ALK: variants seen among roughly 807,000 people sequenced by gnomAD.
ALK encodes the protein ALK receptor tyrosine kinase, also known as ALK tyrosine kinase receptor.
Under a neutral mutation model 163.1 loss-of-function variants are expected in ALK, and 74 were observed. The ratio of observed to expected loss-of-function variants is 0.45; its 90% confidence interval spans 0.38 to 0.55. The LOEUF (loss-of-function observed/expected upper bound fraction) is 0.55, where lower values mean the gene tolerates loss of function less well. Among genes scored for constraint, ALK ranks in the 20% least tolerant of loss-of-function variants. The pLI, the probability that ALK is intolerant of heterozygous loss-of-function variation, is 0.00. For synonymous variants in ALK, 960 were observed against 843.2 expected, an observed-to-expected ratio of 1.14 and a Z score of -2.40; for missense variants, 2,063 against 2,105.3, an observed-to-expected ratio of 0.98 and a Z score of 0.39.
chr2:29,376,914 G>C (rs1668766089), intron 5 of ALK, among the ~76,000 whole-genome samples: 1 of 152,144 alleles, frequency 6.6e-6, no homozygotes, highest in African/African-American at 2.4e-5. Context: ...ATTGTCTTTG[G>C]TGGAGAAGAA....
At chr2:29,315,879 C>T (rs4592803) in intron 8 of ALK, among the ~76,000 whole-genome samples, 25,259 of 152,136 alleles carry the variant, frequency 0.17, 2,309 homozygotes, top group African/African-American at 0.23. Context: ...GCATCAGCCT[C>T]AGGGCTCAGC....
At chr2:29,830,059 G>A (rs1050842693) in intron 1 of ALK, among the ~76,000 whole-genome samples, 2 of 152,334 alleles carry the variant, frequency 1.3e-5, no homozygotes, top group African/African-American at 4.8e-5. Flanking sequence ...ACTGGCTGCC[G>A]AGAAGTTTAA....
At chr2:29,539,052 C>CG (rs1408993799) in intron 3 of ALK, among the ~76,000 whole-genome samples, 2 of 151,854 alleles carry the variant, frequency 1.3e-5, no homozygotes, top group South Asian at 4.2e-4. Flanking sequence ...CTTCCACACC[C>CG]CCCTCCCAAA....
intron 5 of ALK, among the ~76,000 whole-genome samples, chr2:29,349,684 G>A (rs1321869336): frequency 6.6e-6 from 1 of 152,222 alleles, no homozygotes; most frequent in Non-Finnish European, 1.5e-5. Context: ...CAGGTGGTAT[G>A]AAGGATGTGC....
rs971948066 is a variant in ALK at position 29,227,134 on chromosome 2, A to G, written c.2915-60T>C. The G allele has an allele frequency of 2.1e-5, 34 of 1,611,198 alleles. No homozygotes were observed. The highest frequency in any genetic ancestry group is 2.7e-5 in the Non-Finnish European group (32 of 1,177,992). The stretch of plus-strand genomic sequence containing the variant: ...AGCCTGCCTCCCCACTCCCAGCCTC[A>G]GTACTATGTCTCCAGGTGGTCACTG... On this transcript the variant is annotated intron_variant, in intron 17 of 28. Coordinates refer to ENST00000389048, the MANE Select transcript of ALK (RefSeq NM_004304.5). The surrounding 1 kb of genome is among the most constrained non-coding windows in gnomAD (Gnocchi z 4.4).
At chr2:29,204,348 CTT>C (rs1241601575) in intron 26 of ALK, among the ~76,000 whole-genome samples, 3 of 152,190 alleles carry the variant, frequency 2.0e-5, no homozygotes, top group African/African-American at 7.2e-5. Flanking sequence ...ATTTAATTGT[CTT>C]GTTTCTTTGG....
At chr2:29,337,815 T>C (rs1250252240) in intron 5 of ALK, among the ~76,000 whole-genome samples, 5 of 152,198 alleles carry the variant, frequency 3.3e-5, no homozygotes, top group Admixed American at 3.3e-4. Context: ...TGAATACTCT[T>C]GCAGGCCCAA....
chr2:29,318,950 T>A (rs1666921178), intron 7 of ALK, among the ~76,000 whole-genome samples: 1 of 152,186 alleles, frequency 6.6e-6, no homozygotes, highest in Non-Finnish European at 1.5e-5. Context: ...TCACCAGCTT[T>A]AGCCCATGGC....
At chr2:29,503,597 G>T (rs562793523) in intron 4 of ALK, among the ~76,000 whole-genome samples, 1 of 152,288 alleles carries the variant, frequency 6.6e-6, no homozygotes, top group East Asian at 1.9e-4. Context: ...ACCTGGAAAT[G>T]CTTTAGAGAG....
intron 6 of ALK, among the ~76,000 whole-genome samples, chr2:29,327,036 C>T (rs768492818): frequency 6.6e-5 from 10 of 152,204 alleles, no homozygotes; most frequent in Non-Finnish European, 1.2e-4. Context: ...ATCTCTGCTC[C>T]AGGATCTGGC....
rs1664440822 is a variant in ALK at position 29,800,550 on chromosome 2, C to T, written c.668-82853G>A. On this transcript the variant is annotated intron_variant, in intron 1 of 28. Coordinates refer to ENST00000389048, the MANE Select transcript of ALK (RefSeq NM_004304.5). ...AGGGACAGAGAACTCCTTACAACCC[C>T]CTGCAGCTACCAACCCCAGCCCTAA... 2.0e-5 allele frequency among the ~76,000 whole-genome samples: 3 copies of T among 152,128 alleles called. No individual in the cohort carries two copies. In the South Asian group the frequency reaches 6.2e-4, roughly 31 times the overall value.
In ALK at chr2:29,410,517, C is replaced by G. The variant is rs192526444; in HGVS notation, c.1155-26658G>C. On this transcript the variant is annotated intron_variant, in intron 4 of 28. Transcript: ENST00000389048. ...CATATGTCATCAGGACTTCCTGAGG[C>G]TGTGTCACGGGCACGTCCTCAACCT... 3.3e-5 allele frequency among the ~76,000 whole-genome samples: 5 copies of G among 152,316 alleles called. No individual in the cohort carries two copies. In the South Asian group the frequency reaches 8.3e-4, roughly 25 times the overall value.
At position 29,739,565 on chromosome 2, in the gene ALK, A is replaced by C. The variant is rs141702821; in HGVS notation, c.668-21868T>G. 1.4e-3 allele frequency among the ~76,000 whole-genome samples: 217 copies of C among 152,088 alleles called. 3 individuals are homozygous for C. The East Asian group carries it at 0.031, about 22-fold the overall frequency. ...AGTGCGTGAATCTGTCTCAAAAAAA[A>C]AAAAAAAAAGAACATAGTTACATGG... On this transcript the variant is annotated intron_variant, in intron 1 of 28. Coordinates refer to ENST00000389048, the MANE Select transcript of ALK (RefSeq NM_004304.5).
chr2:29,807,058 G>A (rs1194175916), intron 1 of ALK, among the ~76,000 whole-genome samples: 1 of 152,228 alleles, frequency 6.6e-6, no homozygotes, highest in Non-Finnish European at 1.5e-5. Flanking sequence ...TCCTTAGCAA[G>A]GATTACAATC....
intron 3 of ALK, among the ~76,000 whole-genome samples, chr2:29,540,154 G>C (rs1417643421): frequency 6.6e-6 from 1 of 152,126 alleles, no homozygotes; most frequent in Non-Finnish European, 1.5e-5. Flanking sequence ...GCTTTATTGA[G>C]CTGATAAGAA....
chr2:29,858,647 G>C (rs1444902597), intron 1 of ALK, among the ~76,000 whole-genome samples: 1 of 152,164 alleles, frequency 6.6e-6, no homozygotes, highest in Non-Finnish European at 1.5e-5. Context: ...AGAGGCTGAG[G>C]CAGGAGACTT....
In ALK at chr2:29,207,238, G is replaced by A. The variant is rs2148152135; in HGVS notation, c.3871C>T (p.Leu1291=). The A allele has an allele frequency of 6.2e-7, 1 of 1,614,156 alleles. No individual in the cohort carries two copies. Among genetic ancestry groups the A allele is most frequent in the Non-Finnish European group, 8.5e-7 (1 of 1,180,012 alleles). ...TCTGGGGGCATCCACTTAACTGGCA[G>A]CATGGCACAGCCTCCCTTTCTATAG... ...SYYRKGGCAM[L]PVKWMPPEAF... The change falls in exon 26 of 29, where the codon CTG becomes TTG. Residue 1291 remains leucine, a synonymous_variant. Transcript: ENST00000389048.
intron 3 of ALK, among the ~76,000 whole-genome samples, chr2:29,643,484 G>T (rs1470212125): frequency 1.4e-4 from 22 of 152,162 alleles, no homozygotes; most frequent in Admixed American, 1.4e-3. Context: ...AAATAGAGGA[G>T]TGACAAAGCC....
chr2:29,505,685 G>T (rs970838293), intron 4 of ALK, among the ~76,000 whole-genome samples: 1 of 152,016 alleles, frequency 6.6e-6, no homozygotes, highest in Non-Finnish European at 1.5e-5. Flanking sequence ...ATAAATGGGT[G>T]CAGGGCAGCC....
Sources: gnomAD v4.1 joint callset for allele counts (sites outside exome capture counted in the v4.1 genomes callset) on GRCh38, gnomAD v4.1.1 for gene constraint, Gnocchi (gnomAD v3.1) non-coding constraint, MANE v1.5 for transcripts, NCBI Gene and HGNC (gene_info 2026-07-23, HGNC 2026-07-21) for gene names.